The following CFAP20DC variants were observed in gnomAD, a reference collection of about 807,000 sequenced individuals.
The protein encoded by CFAP20DC is protein CFAP20DC.
CFAP20DC carries 84 observed loss-of-function variants against 101.7 expected under a neutral mutation model. The observed-to-expected ratio is 0.83, with a 90% CI of 0.69 to 0.99. The LOEUF (loss-of-function observed/expected upper bound fraction) is 0.99. Among genes scored for constraint, CFAP20DC ranks in the 50% least tolerant of loss-of-function variants. The pLI, the probability that CFAP20DC is intolerant of heterozygous loss-of-function variation, is 0.00. For missense variants in CFAP20DC, 1,007 were observed against 970.3 expected (o/e 1.04, Z -0.50); for synonymous variants, 359 against 351.2 (o/e 1.02, Z -0.25).
intron 8 of CFAP20DC, 66 bp downstream of exon 8, chr3:58,870,107 G>C (rs982104580): frequency 8.7e-6 from 5 of 575,864 alleles, no homozygotes; most frequent in Non-Finnish European, 1.6e-5. Context: ...CCCTCTACAA[G>C]GGGAAGACAC....
intron 15 of CFAP20DC, among the ~76,000 whole-genome samples, chr3:58,797,191 C>T (rs1424183942): frequency 1.3e-5 from 2 of 152,102 alleles, no homozygotes; most frequent in African/African-American, 4.8e-5. Flanking sequence ...GGAAAGCATG[C>T]CTAAAGCCAA....
chr3:58,870,114 A>G, intron 8 of CFAP20DC, 59 bp downstream of exon 8: 1 of 1,388,588 alleles, frequency 7.2e-7, no homozygotes, highest in Non-Finnish European at 1.0e-6. Context: ...CAAGGGGAAG[A>G]CACTCTTCCC....
intron 4 of CFAP20DC, among the ~76,000 whole-genome samples, chr3:58,981,443 C>G (rs2108504271): frequency 6.6e-6 from 1 of 152,284 alleles, no homozygotes; most frequent in South Asian, 2.1e-4. Context: ...ATCACACTAC[C>G]TGACTTCAAA....
intron 1 of CFAP20DC, among the ~76,000 whole-genome samples, chr3:59,047,779 A>G (rs1278833315): frequency 6.6e-6 from 1 of 152,166 alleles, no homozygotes; most frequent in African/African-American, 2.4e-5. Flanking sequence ...GTTGGATTAC[A>G]TAAGATACTA....
At chr3:58,886,305 T>G (rs1161484384) in intron 6 of CFAP20DC, among the ~76,000 whole-genome samples, 1 of 152,018 alleles carries the variant, frequency 6.6e-6, no homozygotes, top group Non-Finnish European at 1.5e-5. Flanking sequence ...GATGAGACAG[T>G]AAAGAGCCAC....
intron 15 of CFAP20DC, among the ~76,000 whole-genome samples, chr3:58,760,324 T>C (rs867338979): frequency 6.6e-6 from 1 of 151,918 alleles, no homozygotes; most frequent in African/African-American, 2.4e-5. Context: ...CTCATGATTT[T>C]GCTCTCTGTT....
At chr3:58,820,126 A>AT (rs200057446) in intron 14 of CFAP20DC, among the ~76,000 whole-genome samples, 2,731 of 152,192 alleles carry the variant, frequency 0.018, 87 homozygotes, top group African/African-American at 0.062. Flanking sequence ...TAAATTAGGT[A>AT]TTGATGGGAC....
chr3:58,852,141 G>T (rs977005146), intron 12 of CFAP20DC, among the ~76,000 whole-genome samples: 2 of 152,142 alleles, frequency 1.3e-5, no homozygotes, highest in South Asian at 4.2e-4. Flanking sequence ...CTCTGATTGT[G>T]CTTTGTCTTC....
At chr3:58,753,584 ATCT>A (rs978369067) in intron 16 of CFAP20DC, 182 bp downstream of exon 16, 40 of 530,928 alleles carry the variant, frequency 7.5e-5, no homozygotes, top group African/African-American at 7.1e-4. Context: ...AGTTTCTCTC[ATCT>A]TCTTTTTAGT....
At chr3:58,893,288 C>T (rs1056601501) in intron 6 of CFAP20DC, among the ~76,000 whole-genome samples, 12 of 152,306 alleles carry the variant, frequency 7.9e-5, no homozygotes, top group African/African-American at 2.4e-4. Context: ...TCGCAATCTG[C>T]CTGTCTTGGC....
chr3:59,009,285 C>CA (rs2093521803), intron 4 of CFAP20DC, among the ~76,000 whole-genome samples: 1 of 151,944 alleles, frequency 6.6e-6, no homozygotes, highest in East Asian at 1.9e-4. Context: ...TACAATACCC[C>CA]AAAAAGATCA....
chr3:59,017,615 T>C (rs936745236), intron 4 of CFAP20DC: 2 of 152,150 alleles, frequency 1.3e-5, no homozygotes, highest in African/African-American at 4.8e-5. Flanking sequence ...TGGTTGTTGT[T>C]GGATACCAGA....
chr3:58,820,164 T>C (rs2075523146), intron 14 of CFAP20DC, among the ~76,000 whole-genome samples: 1 of 152,012 alleles, frequency 6.6e-6, no homozygotes, highest in South Asian at 2.1e-4. Context: ...GAGCTATCTA[T>C]GACAAACCCA....
chr3:58,863,810 G>A lies in CFAP20DC; in HGVS notation c.1341C>T (p.Ser447=), dbSNP rs749140287. Residue 447 remains serine (S), a synonymous_variant, in exon 12 of 17, where the codon TCC becomes TCT. Transcript: ENST00000482387. This position sits in a 1 kb window ranked among gnomAD's most constrained non-coding sequence, Gnocchi z 5.9. ...CCAGCCACAGGTGTGATGGGTTGCA[G>A]GAGTCATCACCCAGAAGTAGAGACT... ...SRQSLLLGDD[S]CNPSHLWLEA... 8.7e-6 allele frequency: 14 copies of A among 1,614,104 alleles called. No individual in the cohort carries two copies. The highest frequency in any genetic ancestry group is 1.1e-5 in the Non-Finnish European group (13 of 1,180,048).
intron 4 of CFAP20DC, among the ~76,000 whole-genome samples, chr3:59,036,522 C>G (rs2094106938): frequency 6.6e-6 from 1 of 152,120 alleles, no homozygotes; most frequent in Admixed American, 6.5e-5. Context: ...AGAGCCAAAT[C>G]ATGAGTGAAC....
At chr3:58,723,497 T>C (rs1353451416) in intron 3 of CFAP20DC, among the ~76,000 whole-genome samples, 2 of 152,368 alleles carry the variant, frequency 1.3e-5, no homozygotes, top group East Asian at 1.9e-4. Flanking sequence ...CTTCCTTTCT[T>C]GGGAACTTTT....
intron 14 of CFAP20DC, among the ~76,000 whole-genome samples, chr3:58,822,507 T>C (rs571827985): frequency 2.1e-5 from 3 of 144,972 alleles, no homozygotes; most frequent in Non-Finnish European, 3.0e-5. Context: ...TTAGTGGGTG[T>C]AGTGCACCAG....
chr3:58,975,336 A>C (rs192772768), intron 4 of CFAP20DC, among the ~76,000 whole-genome samples: 22 of 152,300 alleles, frequency 1.4e-4, no homozygotes, highest in Non-Finnish European at 2.2e-4. Context: ...TCTCCTCCAG[A>C]ATATGAGGGC....
chr3:58,815,529 C>A (rs796456076), intron 14 of CFAP20DC, among the ~76,000 whole-genome samples: 1 of 150,354 alleles, frequency 6.7e-6, no homozygotes, highest in Non-Finnish European at 1.5e-5. Flanking sequence ...AAACTAAAGA[C>A]CTTCTGCACA....
Sources: gnomAD v4.1 joint callset for allele counts (sites outside exome capture counted in the v4.1 genomes callset) on GRCh38, gnomAD v4.1.1 for gene constraint, Gnocchi (gnomAD v3.1) non-coding constraint, MANE v1.5 for transcripts, NCBI Gene and HGNC (gene_info 2026-07-23, HGNC 2026-07-21) for gene names.